RBFOX1: variants seen among roughly 807,000 people sequenced by gnomAD.
RBFOX1 encodes RNA binding protein fox-1 homolog 1.
Under a neutral mutation model 57.7 loss-of-function variants are expected in RBFOX1, and 8 were observed. That is an observed-to-expected ratio of 0.14 (90% CI 0.08 to 0.25). RBFOX1 has a LOEUF of 0.25. RBFOX1 is among the 10% of genes least tolerant of loss of function. The pLI, the probability that RBFOX1 is intolerant of heterozygous loss-of-function variation, is 1.00. For missense variants in RBFOX1, 611 were observed against 548.5 expected, an observed-to-expected ratio of 1.11 and a Z score of -1.14; for synonymous variants, 326 against 222.4, an observed-to-expected ratio of 1.47 and a Z score of -4.15.
chr16:6,512,425 C>G (rs2096274602), intron 2 of RBFOX1, among the ~76,000 whole-genome samples: 1 of 151,988 alleles, frequency 6.6e-6, no homozygotes, highest in African/African-American at 2.4e-5. Flanking sequence ...GCGTTGCATT[C>G]AGGCCTTGGA....
intron 1 of RBFOX1, among the ~76,000 whole-genome samples, chr16:6,024,645 C>T (rs1026992428): frequency 3.9e-5 from 6 of 152,160 alleles, no homozygotes; most frequent in African/African-American, 7.2e-5. Context: ...TGCTCTGCCA[C>T]GCCTGGCTAG....
At chr16:7,104,784 G>C (rs1386739980) in intron 4 of RBFOX1, among the ~76,000 whole-genome samples, 1 of 151,792 alleles carries the variant, frequency 6.6e-6, no homozygotes, top group Non-Finnish European at 1.5e-5. Context: ...TACCTTTTTT[G>C]TTGTGACTTG....
chr16:5,323,629 A>G (rs571080780), intron 1 of RBFOX1, among the ~76,000 whole-genome samples: 1 of 152,386 alleles, frequency 6.6e-6, no homozygotes, highest in South Asian at 2.1e-4. Flanking sequence ...ATTAGCATGG[A>G]TGTGCTGGAA....
chr16:6,539,766 C>T (rs991666937), intron 2 of RBFOX1, among the ~76,000 whole-genome samples: 8 of 138,730 alleles, frequency 5.8e-5, no homozygotes, highest in African/African-American at 2.0e-4. Flanking sequence ...CCACTGCACT[C>T]CAGCCTAGGC....
intron 2 of RBFOX1, among the ~76,000 whole-genome samples, chr16:6,596,329 G>A (rs2097776427): frequency 1.3e-5 from 2 of 152,066 alleles, no homozygotes. Context: ...CTTTGCATAT[G>A]GATATCCAGT....
chr16:5,631,027 A>T (rs979542451), intron 3 of RBFOX1, among the ~76,000 whole-genome samples: 1 of 152,216 alleles, frequency 6.6e-6, no homozygotes, highest in Non-Finnish European at 1.5e-5. Flanking sequence ...TCGCACTTGT[A>T]TCTAGAGGTT....
intron 4 of RBFOX1, among the ~76,000 whole-genome samples, chr16:7,400,721 C>A (rs1442941000): frequency 6.6e-6 from 1 of 152,142 alleles, no homozygotes; most frequent in African/African-American, 2.4e-5. Context: ...TTCTGCAAAG[C>A]ACAGTGGATG....
chr16:7,397,395 A>G (rs946360043), intron 4 of RBFOX1, among the ~76,000 whole-genome samples: 33 of 152,216 alleles, frequency 2.2e-4, no homozygotes, highest in African/African-American at 7.7e-4. Context: ...GTTGGCTTAT[A>G]GGAGCACCAG....
intron 2 of RBFOX1, among the ~76,000 whole-genome samples, chr16:6,602,197 T>C (rs2097861454): frequency 6.6e-6 from 1 of 152,184 alleles, no homozygotes; most frequent in South Asian, 2.1e-4. Flanking sequence ...ATTTTAGGAG[T>C]TCTTTATACA....
chr16:5,292,690 C>G (rs547623171), intron 1 of RBFOX1, among the ~76,000 whole-genome samples: 4 of 152,182 alleles, frequency 2.6e-5, no homozygotes, highest in African/African-American at 9.6e-5. Flanking sequence ...GTGGCACGAT[C>G]TCGGCTCACT....
rs57349384 is a variant in RBFOX1, at chr16:5,905,064, C to CTTT, written c.351+37747_351+37749dup. 2.1e-3 allele frequency among the ~76,000 whole-genome samples: 167 copies of CTTT among 78,448 alleles called. 11 individuals carry two copies. Among genetic ancestry groups the CTTT allele is most frequent in the African/African-American group, 3.3e-3 (62 of 18,868 alleles). The allele number at this position is 78,448 out of a possible 152,430, so 51.5% of individuals were successfully genotyped here. On this transcript the variant is annotated intron_variant, in intron 4 of 19. Coordinates refer to the RBFOX1 transcript ENST00000641259. ...CCCATATGACTCCATATGACTGGTG[C>CTTT]TTTTTTTTTTTTTTTTTTTTGAGAC...
intron 3 of RBFOX1, among the ~76,000 whole-genome samples, chr16:5,825,825 C>T (rs527776836): frequency 6.9e-6 from 1 of 145,984 alleles, no homozygotes; most frequent in East Asian, 2.1e-4. Context: ...AATAATATTC[C>T]TTAATATGAA....
intron 1 of RBFOX1, among the ~76,000 whole-genome samples, chr16:6,263,137 T>C (rs1413730950): frequency 1.3e-5 from 2 of 152,124 alleles, no homozygotes; most frequent in Admixed American, 1.3e-4. Context: ...TTGAAATGGG[T>C]TGAAATGAGA....
At chr16:5,358,534 A>T (rs1198346209) in intron 1 of RBFOX1, among the ~76,000 whole-genome samples, 1 of 152,228 alleles carries the variant, frequency 6.6e-6, no homozygotes, top group Non-Finnish European at 1.5e-5. Context: ...TCAAACATTT[A>T]TCCTTTGTGT....
At chr16:6,933,999 AGCCAGGGGTCAGGGAGGGGACACGATT>A in intron 3 of RBFOX1, among the ~76,000 whole-genome samples, 1 of 152,330 alleles carries the variant, frequency 6.6e-6, no homozygotes, top group South Asian at 2.1e-4. Flanking sequence ...TCAGCCCACC[AGCCAGGGGTCAGGGAGGGGACACGATT>A]GCACACTGGG....
intron 1 of RBFOX1, among the ~76,000 whole-genome samples, chr16:6,149,793 G>C (rs369214071): frequency 6.6e-6 from 1 of 152,184 alleles, no homozygotes; most frequent in Non-Finnish European, 1.5e-5. Flanking sequence ...AATGTTGGGA[G>C]GATAGAACTT....
At chr16:5,332,350 C>G (rs1236791074) in intron 1 of RBFOX1, among the ~76,000 whole-genome samples, 2 of 152,054 alleles carry the variant, frequency 1.3e-5, no homozygotes, top group Admixed American at 6.6e-5. Flanking sequence ...TCATTGCAAC[C>G]TCTGCTTCCT....
chr16:6,994,039 C>G (rs1430720179), intron 3 of RBFOX1, among the ~76,000 whole-genome samples: 2 of 152,130 alleles, frequency 1.3e-5, no homozygotes, highest in Non-Finnish European at 2.9e-5. Flanking sequence ...CAATCCACCT[C>G]CCCCTCTGGG....
intron 1 of RBFOX1, among the ~76,000 whole-genome samples, chr16:5,309,442 T>A (rs1419152805): frequency 6.6e-6 from 1 of 152,226 alleles, no homozygotes; most frequent in Non-Finnish European, 1.5e-5. Context: ...GATCCTGAAG[T>A]TTACCTAGAG....
Sources: allele counts gnomAD v4.1 joint callset (sites outside exome capture counted in the v4.1 genomes callset), GRCh38; gene constraint gnomAD v4.1.1; transcripts MANE v1.5; gene names NCBI Gene and HGNC (gene_info 2026-07-23, HGNC 2026-07-21).